Variants in ANK2 observed in about 807,000 individuals in gnomAD.
The protein encoded by ANK2 is ankyrin 2, also known as ankyrin-2.
In ANK2, 83 loss-of-function variants were observed where a neutral mutation model predicts 360.5. The ratio of observed to expected loss-of-function variants is 0.23; its 90% CI spans 0.19 to 0.28. The LOEUF is 0.28. Ranked by LOEUF, ANK2 falls within the 10% of genes least tolerant of loss-of-function variation. The pLI is 1.00. For missense variants in ANK2, 4,201 were observed against 4,795.7 expected (o/e 0.88, Z 3.66); for synonymous variants, 1,740 against 1,759.5 (o/e 0.99, Z 0.28).
intron 45 of ANK2, among the ~76,000 whole-genome samples, chr4:113,375,535 C>G (rs931768242): frequency 1.3e-5 from 2 of 151,940 alleles, no homozygotes; most frequent in African/African-American, 4.8e-5. Flanking sequence ...ACCATCCTGG[C>G]TAACACGGTG....
chr4:112,716,879 C>T, the ANK2 span, among the ~76,000 whole-genome samples: 1 of 152,136 alleles, frequency 6.6e-6, no homozygotes. Context: ...CCCCCTTTCC[C>T]CGTTTTGTTT....
At position 113,274,545 on chromosome 4, in the gene ANK2, A is replaced by G. The variant is rs374707634; in HGVS notation, c.1579A>G (p.Thr527Ala). Residue 527 changes from threonine to alanine, a missense_variant, in exon 15 of 46, where the codon ACT (threonine) becomes GCT (alanine). By Grantham distance (58) the Thr-to-Ala change is moderately conservative. Coordinates refer to ENST00000357077, the MANE Select transcript of ANK2 (RefSeq NM_001148.6). ...LQHMAHPDAA[T>A]TNGYTPLHIS... ...ACATATGGCTCATCCAGATGCGGCC[A>G]CTACAAATGGGTACACACCACTGCA... 10 of 1,614,088 alleles carry G rather than the reference A, an allele frequency of 6.2e-6. No individual in the cohort carries two copies. The Admixed American group carries it at 6.7e-5, about 11-fold the overall frequency.
At position 113,357,047 on chromosome 4, in the gene ANK2, A is replaced by C. The variant is rs2095832484; in HGVS notation, c.8429A>C (p.Glu2810Ala). ...DVDEQPVIYK[E>A]SLALQGTHEK... is the part of the protein sequence containing the mutation. The stretch of plus-strand genomic sequence containing the variant: ...GATGAACAGCCAGTCATCTATAAAG[A>C]ATCATTAGCTCTCCAAGGCACTCAT... The change falls in exon 38 of 46, where the codon GAA becomes GCA. Residue 2810 changes from glutamate to alanine, a missense_variant. Physicochemically the swap from Glu to Ala is moderately radical, Grantham distance 107 (BLOSUM62 -1). This residue lies in a region of ANK2 where 2,642 missense variants were observed against 2,714.5 expected (regional missense o/e 0.97). Transcript: ENST00000357077. 6 of 1,614,036 alleles carry C rather than the reference A, an allele frequency of 3.7e-6. No homozygotes were observed. The highest frequency in any genetic ancestry group is 5.1e-6 in the Non-Finnish European group (6 of 1,179,962).
At chr4:113,206,948 T>C (rs1420888345) in intron 4 of ANK2, among the ~76,000 whole-genome samples, 1 of 152,064 alleles carries the variant, frequency 6.6e-6, no homozygotes, top group Non-Finnish European at 1.5e-5. Flanking sequence ...CATTTGAACC[T>C]GGGAGGCAGA....
intron 4 of ANK2, among the ~76,000 whole-genome samples, chr4:113,225,232 C>T (rs942459070): frequency 3.9e-5 from 6 of 152,102 alleles, no homozygotes; most frequent in Admixed American, 1.3e-4. Context: ...GTTAATTGCT[C>T]AGTCTTTAGT....
intron 2 of ANK2, among the ~76,000 whole-genome samples, chr4:112,906,248 C>A (rs2085165848): frequency 6.6e-6 from 1 of 152,074 alleles, no homozygotes; most frequent in African/African-American, 2.4e-5. Flanking sequence ...CATCAACAAA[C>A]CAACTGGAGT....
At position 113,312,127 on chromosome 4, in the gene ANK2, G is replaced by C. The variant is rs186617233; in HGVS notation, c.2693+728G>C. Among the ~76,000 whole-genome samples, 36 of 151,528 alleles carry C rather than the reference G, an allele frequency of 2.4e-4. No individual in the cohort carries two copies. In the East Asian group the frequency reaches 6.8e-3, roughly 29 times the overall value. Reference sequence around the variant, plus strand: ...TCATTGAAATTATGACTGATAAGTTGGGCCATGAATATGGATGTCATAGCT... The same window carrying C: ...TCATTGAAATTATGACTGATAAGTTCGGCCATGAATATGGATGTCATAGCT... On this transcript the variant is annotated intron_variant, in intron 24 of 45. Transcript: ENST00000357077.
chr4:113,257,484 T>A (rs1001364027), intron 11 of ANK2, among the ~76,000 whole-genome samples: 1 of 152,180 alleles, frequency 6.6e-6, no homozygotes, highest in Non-Finnish European at 1.5e-5. Flanking sequence ...GTTATAAAAA[T>A]GATATAAAAA....
chr4:113,381,767 T>C lies in ANK2; in HGVS notation c.*296T>C, dbSNP rs2097177566. ...CCGACATTTCCACTGTTAGCAAATA[T>C]ACGGCATTTTGCTTTAGTTTTCCCC... is the stretch of plus-strand genomic sequence containing the variant. On this transcript the variant is annotated 3_prime_UTR_variant, in exon 46 of 46. Coordinates refer to ENST00000357077, the MANE Select transcript of ANK2 (RefSeq NM_001148.6). 3 of 1,018,148 alleles carry C rather than the reference T, an allele frequency of 2.9e-6. No homozygotes were observed. The highest frequency in any genetic ancestry group is 4.2e-6 in the Non-Finnish European group (3 of 713,632). The allele number at this position is 1,018,148 out of a possible 1,614,324, so 63.1% of individuals were successfully genotyped here. A position where few individuals can be genotyped will look rare whatever the true frequency, so the allele number is the denominator to read the frequency against.
chr4:112,761,161 A>G, the ANK2 span, among the ~76,000 whole-genome samples: 1 of 152,194 alleles, frequency 6.6e-6, no homozygotes. Context: ...AATGAATTAC[A>G]TTTGAATGTA....
chr4:112,904,334 A>C (rs1252682271), intron 1 of ANK2: 1 of 513,226 alleles, frequency 1.9e-6, no homozygotes, highest in East Asian at 3.7e-5. Context: ...GGCTTTTTAA[A>C]ATGAAGAACT....
rs966901022 is a variant in ANK2 at position 112,826,933 on chromosome 4, A to G, written c.-40+8669A>G. 25 of 1,537,018 alleles carry G rather than the reference A, an allele frequency of 1.6e-5. No homozygotes were observed. In the African/African-American group the frequency reaches 2.9e-4, roughly 18 times the overall value. Reference sequence around the variant, plus strand: ...GAAAATGCCTGTGTCTTAGCAACAAACTCTGAATTGGTTGGCACACTCATT... The same window carrying G: ...GAAAATGCCTGTGTCTTAGCAACAAGCTCTGAATTGGTTGGCACACTCATT... On this transcript the variant is annotated intron_variant, in intron 1 of 30. Transcript: ENST00000503271.
In ANK2 at chr4:113,353,656, A is replaced by G. The variant is rs1267096190; in HGVS notation, c.5038A>G (p.Lys1680Glu). 6.2e-7 allele frequency: 1 copy of G among 1,613,962 alleles called. No homozygotes were observed. Among genetic ancestry groups the G allele is most frequent in the Non-Finnish European group, 8.5e-7 (1 of 1,179,980 alleles). ...AVGRSSEKEG[K>E]DIPPDETQST... The stretch of plus-strand genomic sequence containing the variant: ...TGGCAGGAGCTCTGAAAAGGAAGGG[A>G]AAGACATACCCCCAGATGAGACACA... The change falls in exon 38 of 46, where the codon AAA becomes GAA. Residue 1680 changes from lysine (K) to glutamate (E), a missense_variant. Lys to Glu is a moderately conservative substitution (Grantham distance 56). This residue lies in a region of ANK2 where 1,268 missense variants were observed against 1,650.8 expected (regional missense o/e 0.77). Transcript: ENST00000357077.
At chr4:112,713,336 G>A in the ANK2 span, among the ~76,000 whole-genome samples, 1 of 152,042 alleles carries the variant, frequency 6.6e-6, no homozygotes, top group Non-Finnish European at 1.5e-5. Flanking sequence ...TTGGAAGGCC[G>A]AGGTGGGCAG....
intron 1 of ANK2, among the ~76,000 whole-genome samples, chr4:112,877,364 T>C (rs1236148591): frequency 6.6e-6 from 1 of 152,224 alleles, no homozygotes; most frequent in Non-Finnish European, 1.5e-5. Flanking sequence ...GCTCTCTCTC[T>C]TTTTGAGATA....
the ANK2 span, among the ~76,000 whole-genome samples, chr4:112,735,913 A>G: frequency 6.6e-6 from 1 of 152,180 alleles, no homozygotes; most frequent in Non-Finnish European, 1.5e-5. Flanking sequence ...GGTGACTCAT[A>G]TAAGTGGAAT....
chr4:112,935,692 A>C (rs1298061331), intron 2 of ANK2, among the ~76,000 whole-genome samples: 1 of 152,054 alleles, frequency 6.6e-6, no homozygotes, highest in Non-Finnish European at 1.5e-5. Flanking sequence ...AAATACAAAA[A>C]TTAGTTGGGT....
upstream of ANK2, among the ~76,000 whole-genome samples, chr4:112,815,517 C>G (rs559327618): frequency 6.6e-6 from 1 of 152,282 alleles, no homozygotes; most frequent in East Asian, 1.9e-4. Context: ...GCCCTTTCAA[C>G]CAAACCTGAG....
At chr4:113,264,190 T>C (rs2054610142) in intron 13 of ANK2, among the ~76,000 whole-genome samples, 1 of 149,724 alleles carries the variant, frequency 6.7e-6, no homozygotes, top group South Asian at 2.1e-4. Flanking sequence ...TTTTGTCTAG[T>C]CTCATAACAC....
Sources: gnomAD v4.1 joint callset for allele counts (sites outside exome capture counted in the v4.1 genomes callset) on GRCh38, gnomAD v4.1.1 for gene constraint, gnomAD v4.1.1 regional missense constraint, MANE v1.5 for transcripts, NCBI Gene and HGNC (gene_info 2026-07-23, HGNC 2026-07-21) for gene names.